The following PDIA6 variants were observed in gnomAD, a reference collection of about 807,000 sequenced individuals.
The protein encoded by PDIA6 is protein disulfide-isomerase A6.
In PDIA6, 29 loss-of-function variants were observed where a neutral mutation model predicts 58.4. That is an observed-to-expected ratio of 0.50 (90% CI 0.37 to 0.68). The LOEUF is 0.68. Among genes scored for constraint, PDIA6 ranks in the 30% least tolerant of loss-of-function variants. PDIA6 has a pLI of 0.00. For missense variants in PDIA6, 480 were observed against 551.0 expected (o/e 0.87, Z 1.29); for synonymous variants, 192 against 202.6 (o/e 0.95, Z 0.44).
At chr2:10,832,513 G>A (rs1667737605), upstream of PDIA6, 1 of 851,330 alleles carries the variant, frequency 1.2e-6, no homozygotes, top group Non-Finnish European at 1.4e-6. Context: ...GACCGCAAGG[G>A]GGCGCTCTGC....
chr2:10,790,000 A>C lies in PDIA6; in HGVS notation c.700-111T>G, dbSNP rs1458553067. On this transcript the variant is annotated intron_variant, in intron 7 of 12. Transcript: ENST00000272227. ...AGGTAATTTTTTTTTTTTTTTTTTG[A>C]AGCAGTCTCACTCTGTTGCCCAGGC... 4.2e-6 allele frequency: 3 copies of C among 720,962 alleles called. No individual in the cohort carries two copies. The African/African-American group carries it at 6.0e-5, about 14-fold the overall frequency. The allele number at this position is 720,962 out of a possible 1,614,324, so 44.7% of individuals were successfully genotyped here.
upstream of PDIA6, among the ~76,000 whole-genome samples, chr2:10,816,650 C>A (rs1667206103): frequency 6.6e-6 from 1 of 151,990 alleles, no homozygotes; most frequent in Non-Finnish European, 1.5e-5. Flanking sequence ...AAGTCATGCC[C>A]TCTTGCCAGG....
At chr2:10,796,696 TAC>T (rs996018505) in intron 4 of PDIA6, among the ~76,000 whole-genome samples, 2 of 109,426 alleles carry the variant, frequency 1.8e-5, no homozygotes, top group Non-Finnish European at 4.5e-5. Flanking sequence ...ACTCTCAAAT[TAC>T]AGTCTCCTTT....
At chr2:10,834,724 T>TTCCCTCCC (rs1558468723), upstream of PDIA6, among the ~76,000 whole-genome samples, 10 of 16,692 alleles carry the variant, frequency 6.0e-4, no homozygotes, top group African/African-American at 1.9e-3. Context: ...CCTCCCTCCC[T>TTCCCTCCC]TCCTTCCCTC....
At chr2:10,831,292 T>C (rs1421535025) in intron 1 of PDIA6, among the ~76,000 whole-genome samples, 1 of 152,194 alleles carries the variant, frequency 6.6e-6, no homozygotes, top group African/African-American at 2.4e-5. Context: ...CACATTGTAG[T>C]CTACGGCACT....
chr2:10,793,248 A>G, intron 4 of PDIA6, 46 bp from the exon 5 acceptor site: 7 of 1,360,350 alleles, frequency 5.1e-6, no homozygotes, highest in Non-Finnish European at 5.3e-6. Context: ...GCCTTCAGCA[A>G]GTGCCTCATC....
chr2:10,816,596 A>AT (rs1667204973), upstream of PDIA6, among the ~76,000 whole-genome samples: 1 of 148,734 alleles, frequency 6.7e-6, no homozygotes, highest in African/African-American at 2.5e-5. Flanking sequence ...AAAATACAGC[A>AT]TTTTTCATTT....
upstream of PDIA6, among the ~76,000 whole-genome samples, chr2:10,815,002 C>G (rs932338354): frequency 1.3e-5 from 2 of 152,248 alleles, no homozygotes; most frequent in African/African-American, 4.8e-5. Flanking sequence ...TCCCAGGTCA[C>G]TGGCTGCTCT....
intron 1 of PDIA6, among the ~76,000 whole-genome samples, chr2:10,808,205 G>C (rs1666840765): frequency 6.6e-6 from 1 of 152,240 alleles, no homozygotes; most frequent in Non-Finnish European, 1.5e-5. Context: ...GTGGAAGGTG[G>C]ATTGGGAGAA....
intron 7 of PDIA6, among the ~76,000 whole-genome samples, 182 bp from the exon 8 acceptor site, chr2:10,790,071 T>C (rs537428782): frequency 1.8e-3 from 269 of 151,834 alleles, no homozygotes; most frequent in African/African-American, 6.3e-3. Context: ...CTCTGCCTCC[T>C]GGGTTCAAGC....
intron 6 of PDIA6, 78 bp downstream of exon 6, chr2:10,791,717 T>C: frequency 1.5e-6 from 2 of 1,320,346 alleles, no homozygotes; most frequent in Non-Finnish European, 1.1e-6. Context: ...TATTATCTAC[T>C]TCAGCTCTTT....
At chr2:10,813,478 AAGTG>A (rs201615040), upstream of PDIA6, among the ~76,000 whole-genome samples, 3,233 of 152,064 alleles carry the variant, frequency 0.021, 71 homozygotes, top group African/African-American at 0.057. Context: ...AAATATGCAA[AAGTG>A]AAAAAAAATA....
chr2:10,812,725 A>C lies in PDIA6; in HGVS notation c.-29T>G. ...GAGCGCCGGGCTACGTGCAGTCCCCACCGCCGCCGCCGCTTCAGCCCTGCA... is the reference window on the plus strand; with the variant it reads ...GAGCGCCGGGCTACGTGCAGTCCCCCCCGCCGCCGCCGCTTCAGCCCTGCA... On this transcript the variant is annotated 5_prime_UTR_variant, in exon 1 of 13. Coordinates refer to ENST00000272227, the MANE Select transcript of PDIA6 (RefSeq NM_005742.4). The C allele has an allele frequency of 2.0e-6, 3 of 1,493,866 alleles. No homozygotes were observed. Among genetic ancestry groups the C allele is most frequent in the Non-Finnish European group, 2.7e-6 (3 of 1,124,084 alleles). 92.5% of individuals were successfully genotyped at this position (1,493,866 alleles called of 1,614,324 possible). A position where few individuals can be genotyped will look rare whatever the true frequency, so the allele number is the denominator to read the frequency against.
upstream of PDIA6, among the ~76,000 whole-genome samples, chr2:10,816,861 T>C (rs1667212642): frequency 2.6e-5 from 4 of 152,086 alleles, no homozygotes; most frequent in Admixed American, 2.6e-4. Context: ...AAGGGAGAGA[T>C]GTCATGTGGC....
At chr2:10,803,318 C>A (rs944118146) in intron 1 of PDIA6, among the ~76,000 whole-genome samples, 3 of 152,094 alleles carry the variant, frequency 2.0e-5, no homozygotes, top group African/African-American at 7.2e-5. Flanking sequence ...CCATCACGCC[C>A]GGCTAATTTT....
intron 1 of PDIA6, among the ~76,000 whole-genome samples, chr2:10,809,233 A>G (rs1558454181): frequency 6.6e-6 from 1 of 152,262 alleles, no homozygotes; most frequent in Non-Finnish European, 1.5e-5. Flanking sequence ...TTAAAATTAC[A>G]TATATGTTTG....
chr2:10,810,998 C>T (rs779624411), intron 1 of PDIA6, among the ~76,000 whole-genome samples: 6 of 152,146 alleles, frequency 3.9e-5, no homozygotes, highest in Admixed American at 6.5e-5. Flanking sequence ...GCTATAAATT[C>T]ACATCAGTAA....
chr2:10,791,527 T>A (rs1666036101), intron 6 of PDIA6, among the ~76,000 whole-genome samples: 1 of 152,230 alleles, frequency 6.6e-6, no homozygotes, highest in Non-Finnish European at 1.5e-5. Flanking sequence ...GTGGCTTTAC[T>A]AAAGATACAA....
intron 11 of PDIA6, 127 bp from the exon 12 acceptor site, chr2:10,785,157 G>T: frequency 1.5e-6 from 1 of 662,250 alleles, no homozygotes. Context: ...CTCTCTTGCT[G>T]CACTACATTC....
Sources: allele counts gnomAD v4.1 joint callset (sites outside exome capture counted in the v4.1 genomes callset), GRCh38; gene constraint gnomAD v4.1.1; transcripts MANE v1.5; gene names NCBI Gene and HGNC (gene_info 2026-07-23, HGNC 2026-07-21).